The following THSD7A variants were observed in gnomAD, a reference collection of about 807,000 sequenced individuals.
The protein encoded by THSD7A is thrombospondin type-1 domain-containing protein 7A.
A neutral mutation model predicts 231.3 loss-of-function variants in THSD7A; 96 were observed. The observed-to-expected ratio is 0.41, with a 90% CI of 0.35 to 0.49. The LOEUF (loss-of-function observed/expected upper bound fraction) is 0.49, where lower values mean the gene tolerates loss of function less well. Ranked by LOEUF, THSD7A falls within the 20% of genes least tolerant of loss-of-function variation. The probability of loss-of-function intolerance (pLI) is 0.05; values close to 1 mark genes in which losing one functional copy is unlikely to be tolerated. For synonymous variants in THSD7A, 940 were observed against 743.3 expected (o/e 1.26, Z -4.30); for missense variants, 2,290 against 2,070.2 (o/e 1.11, Z -2.06).
intron 6 of THSD7A, among the ~76,000 whole-genome samples, chr7:11,512,977 C>T (rs1787882482): frequency 1.3e-5 from 1 of 74,184 alleles, no homozygotes; most frequent in Non-Finnish European, 2.9e-5. Context: ...TACTACTCAG[C>T]CATAAAAAGA....
chr7:11,663,181 A>G (rs2128374136), intron 1 of THSD7A, among the ~76,000 whole-genome samples: 1 of 151,512 alleles, frequency 6.6e-6, no homozygotes, highest in Non-Finnish European at 1.5e-5. Flanking sequence ...GAAACAAAAA[A>G]GGAGATTCTT....
intron 1 of THSD7A, among the ~76,000 whole-genome samples, chr7:11,686,029 C>G (rs527422950): frequency 6.4e-4 from 97 of 152,002 alleles, no homozygotes; most frequent in African/African-American, 2.3e-3. Flanking sequence ...GAATACTATA[C>G]AACCATAAAA....
chr7:11,433,329 T>C (rs1179596999), intron 13 of THSD7A, among the ~76,000 whole-genome samples: 2 of 151,992 alleles, frequency 1.3e-5, no homozygotes, highest in African/African-American at 4.8e-5. Flanking sequence ...TGACCTAAAA[T>C]AGTATGAGAT....
intron 6 of THSD7A, among the ~76,000 whole-genome samples, chr7:11,523,546 C>T (rs1047165125): frequency 6.6e-6 from 1 of 151,756 alleles, no homozygotes; most frequent in African/African-American, 2.4e-5. Context: ...CAAAAAATTA[C>T]AAAAAACAGG....
intron 1 of THSD7A, among the ~76,000 whole-genome samples, chr7:11,721,394 C>G (rs1781346243): frequency 6.6e-6 from 1 of 151,656 alleles, no homozygotes; most frequent in Non-Finnish European, 1.5e-5. Flanking sequence ...TGTGTAGCAT[C>G]TCCACTTTTG....
intron 2 of THSD7A, among the ~76,000 whole-genome samples, chr7:11,622,389 A>T (rs1781340447): frequency 6.6e-6 from 1 of 152,106 alleles, no homozygotes; most frequent in South Asian, 2.1e-4. Flanking sequence ...TGTTTTCCTC[A>T]GCCATTATCA....
chr7:11,637,988 T>C lies in THSD7A; in HGVS notation c.191-1027A>G, dbSNP rs1200819743. ...AAAGTATTCCATGAATTTGAGAAAT[T>C]GTTTGATGTGCCTTAAAGCCATTTT... On this transcript the variant is annotated intron_variant, in intron 1 of 27. Coordinates refer to ENST00000423059, the MANE Select transcript of THSD7A (RefSeq NM_015204.3). This position sits in a 1 kb window ranked among gnomAD's most constrained non-coding sequence, Gnocchi z 4.2. Among the ~76,000 whole-genome samples the C allele has an allele frequency of 9.1e-6, 1 of 110,392 alleles. No homozygotes were observed. The highest frequency in any genetic ancestry group is 3.8e-3 in the Middle Eastern group (1 of 264). The allele number at this position is 110,392 out of a possible 152,430, so 72.4% of individuals were successfully genotyped here.
Position 11,590,570 on chromosome 7 carries a change from C to T in THSD7A, c.1343G>A (p.Arg448His), listed in dbSNP as rs765745304. 1.1e-5 allele frequency: 18 copies of T among 1,613,868 alleles called. No individual in the cohort carries two copies. Among genetic ancestry groups the T allele is most frequent in the Non-Finnish European group, 1.4e-5 (17 of 1,179,822 alleles). Reference protein sequence around the residue: ...DPLLSQQDKRRGNQTALCGGG... With the variant: ...DPLLSQQDKRHGNQTALCGGG... ...TCCACAGAGGGCCGTCTGGTTGCCG[C>T]GCCTCTTGTCCTGCTGACTGAGCAA... Residue 448 changes from arginine (R) to histidine (H), a missense_variant, in exon 4 of 28, where the codon CGC becomes CAC. By Grantham distance (29) the Arg-to-His change is conservative. Transcript: ENST00000423059. The surrounding 1 kb of genome is among the most constrained non-coding windows in gnomAD (Gnocchi z 4.4).
intron 11 of THSD7A, among the ~76,000 whole-genome samples, chr7:11,450,286 C>CA (rs1450554586): frequency 6.6e-6 from 1 of 151,976 alleles, no homozygotes; most frequent in Non-Finnish European, 1.5e-5. Flanking sequence ...CATATACCTG[C>CA]ACTACATAAA....
intron 1 of THSD7A, among the ~76,000 whole-genome samples, chr7:11,691,611 C>A (rs1312521043): frequency 6.6e-6 from 1 of 151,292 alleles, no homozygotes; most frequent in Non-Finnish European, 1.5e-5. Flanking sequence ...TCCATAACAT[C>A]TATATCTATA....
At chr7:11,483,155 G>A (rs1398239653) in intron 6 of THSD7A, among the ~76,000 whole-genome samples, 1 of 152,202 alleles carries the variant, frequency 6.6e-6, no homozygotes, top group African/African-American at 2.4e-5. Flanking sequence ...AGAGGCTACT[G>A]AACAAAATAG....
intron 23 of THSD7A, among the ~76,000 whole-genome samples, chr7:11,389,516 T>C (rs1782899803): frequency 6.8e-6 from 1 of 147,958 alleles, no homozygotes; most frequent in South Asian, 2.1e-4. Context: ...ATGTGTGTCT[T>C]TGCACGTGAG....
At chr7:11,533,024 CA>C (rs1169030182) in intron 6 of THSD7A, among the ~76,000 whole-genome samples, 1 of 152,082 alleles carries the variant, frequency 6.6e-6, no homozygotes, top group Non-Finnish European at 1.5e-5. Context: ...AAGCATCTCC[CA>C]CAGCAGACTC....
chr7:11,755,912 A>G (rs932379291), intron 1 of THSD7A, among the ~76,000 whole-genome samples: 13 of 152,096 alleles, frequency 8.5e-5, no homozygotes, highest in Non-Finnish European at 1.5e-5. Context: ...AGAGAAAGGC[A>G]AGGAAAAATA....
intron 23 of THSD7A, among the ~76,000 whole-genome samples, chr7:11,387,732 C>A (rs953965026): frequency 6.6e-6 from 1 of 152,176 alleles, no homozygotes; most frequent in Admixed American, 6.5e-5. Context: ...CTGGCCAGAA[C>A]TTCCCATACT....
intron 10 of THSD7A, among the ~76,000 whole-genome samples, chr7:11,461,368 A>G (rs1785499776): frequency 6.6e-6 from 1 of 152,194 alleles, no homozygotes; most frequent in African/African-American, 2.4e-5. Context: ...TTGTGATTAC[A>G]TTTTTCATTA....
rs1057069047 is a variant in THSD7A, at chr7:11,832,104, G to C, written c.-158C>G. On this transcript the variant is annotated 5_prime_UTR_variant, in exon 1 of 28. Coordinates refer to ENST00000423059, the MANE Select transcript of THSD7A (RefSeq NM_015204.3). ...GGAGGGAGAGCGCGTCTAACACCAG[G>C]GAACAATAGCGTCCGCGGTGGTGGC... 1.0e-4 allele frequency: 47 copies of C among 453,268 alleles called. No individual in the cohort carries two copies. Among genetic ancestry groups the C allele is most frequent in the Non-Finnish European group, 1.3e-4 (38 of 290,490 alleles). 28.1% of individuals were successfully genotyped at this position (453,268 alleles called of 1,614,324 possible).
At chr7:11,528,878 A>C (rs985171640) in intron 6 of THSD7A, among the ~76,000 whole-genome samples, 1 of 152,060 alleles carries the variant, frequency 6.6e-6, no homozygotes, top group African/African-American at 2.4e-5. Flanking sequence ...CTCAGCTTCG[A>C]CTTAACACAA....
intron 1 of THSD7A, among the ~76,000 whole-genome samples, chr7:11,680,779 G>C (rs2128138863): frequency 6.6e-6 from 1 of 152,256 alleles, no homozygotes; most frequent in Middle Eastern, 3.4e-3. Flanking sequence ...CAACCATTGG[G>C]GAAGACAGTG....
Sources: allele counts gnomAD v4.1 joint callset (sites outside exome capture counted in the v4.1 genomes callset), GRCh38; gene constraint gnomAD v4.1.1; non-coding constraint Gnocchi (gnomAD v3.1); transcripts MANE v1.5; gene names NCBI Gene and HGNC (gene_info 2026-07-23, HGNC 2026-07-21).